Variants in SNTG1 observed in about 807,000 individuals in gnomAD.
SNTG1 encodes syntrophin gamma 1.
SNTG1 carries 39 observed loss-of-function variants against 74.7 expected under a neutral mutation model. The ratio of observed to expected loss-of-function variants is 0.52; its 90% CI spans 0.40 to 0.68. SNTG1 has a LOEUF of 0.68. Ranked by LOEUF, SNTG1 falls within the 30% of genes least tolerant of loss-of-function variation. SNTG1 has a pLI of 0.00. For missense variants in SNTG1, 685 were observed against 609.5 expected (o/e 1.12, Z -1.30); for synonymous variants, 254 against 217.1 (o/e 1.17, Z -1.49).
intron 1 of SNTG1, among the ~76,000 whole-genome samples, chr8:50,003,154 T>C (rs1340761171): frequency 6.6e-6 from 1 of 152,188 alleles, no homozygotes; most frequent in Non-Finnish European, 1.5e-5. Flanking sequence ...ATAAAAATGT[T>C]CTGGAATTAG....
intron 1 of SNTG1, among the ~76,000 whole-genome samples, chr8:49,989,525 C>A (rs1321439366): frequency 6.6e-6 from 1 of 151,810 alleles, no homozygotes; most frequent in Non-Finnish European, 1.5e-5. Flanking sequence ...ACCAAACATG[C>A]AATAAATAGT....
chr8:50,187,769 T>G (rs2083436028), intron 2 of SNTG1, among the ~76,000 whole-genome samples: 1 of 152,176 alleles, frequency 6.6e-6, no homozygotes, highest in South Asian at 2.1e-4. Flanking sequence ...GATGGTAATT[T>G]TGCAAAAGCA....
rs2093477705 is a variant in SNTG1, at chr8:50,453,803, T to G, written c.363+3074T>G. Among the ~76,000 whole-genome samples, 3 of 152,106 alleles carry G rather than the reference T, an allele frequency of 2.0e-5. No individual in the cohort carries two copies. In the South Asian group the frequency reaches 6.2e-4, roughly 32 times the overall value. On this transcript the variant is annotated intron_variant, in intron 8 of 18. Transcript: ENST00000642720. The stretch of plus-strand genomic sequence containing the variant: ...ACTGCTGTGTCAAGGTGGGACAGGG[T>G]CTGCTTAGGAGCCATGATGGGCCCT...
At chr8:50,684,336 T>C (rs1384357517) in intron 15 of SNTG1, among the ~76,000 whole-genome samples, 2 of 152,222 alleles carry the variant, frequency 1.3e-5, no homozygotes, top group Admixed American at 6.5e-5. Flanking sequence ...ATCTTAGAAC[T>C]ATTAATCCTG....
chr8:50,131,633 C>T (rs1157774720), intron 1 of SNTG1, among the ~76,000 whole-genome samples: 1 of 151,966 alleles, frequency 6.6e-6, no homozygotes, highest in Non-Finnish European at 1.5e-5. Context: ...TGAATAATGC[C>T]TCAATGAACA....
intron 2 of SNTG1, among the ~76,000 whole-genome samples, chr8:50,182,090 T>G (rs574910191): frequency 8.5e-5 from 13 of 152,316 alleles, no homozygotes; most frequent in African/African-American, 2.9e-4. Context: ...ATTAAGAATA[T>G]AATATTATTT....
chr8:49,994,325 G>T (rs1420548132), intron 1 of SNTG1, among the ~76,000 whole-genome samples: 1 of 146,654 alleles, frequency 6.8e-6, no homozygotes, highest in African/African-American at 2.5e-5. Context: ...GCCCAATCTC[G>T]GCTCACTGCA....
intron 13 of SNTG1, among the ~76,000 whole-genome samples, chr8:50,654,174 A>T (rs2095166348): frequency 6.6e-6 from 1 of 152,036 alleles, no homozygotes; most frequent in South Asian, 2.1e-4. Flanking sequence ...TCTTCTGTTC[A>T]TTCCCTTTCT....
At chr8:50,410,078 G>A (rs2092927699) in intron 4 of SNTG1, among the ~76,000 whole-genome samples, 1 of 152,182 alleles carries the variant, frequency 6.6e-6, no homozygotes, top group South Asian at 2.1e-4. Flanking sequence ...GACTTTAAGA[G>A]AACTAATATC....
At chr8:50,759,360 T>G (rs767792457) in intron 18 of SNTG1, among the ~76,000 whole-genome samples, 10 of 152,120 alleles carry the variant, frequency 6.6e-5, no homozygotes, top group Non-Finnish European at 1.0e-4. Flanking sequence ...TTGCTTTTTT[T>G]GTCTTAGTCA....
At chr8:50,454,942 T>C (rs2093491622) in intron 8 of SNTG1, among the ~76,000 whole-genome samples, 1 of 150,760 alleles carries the variant, frequency 6.6e-6, no homozygotes, top group African/African-American at 2.4e-5. Flanking sequence ...AATATATAAA[T>C]AACTGTATAT....
chr8:50,785,230 A>C (rs2131848516), intron 18 of SNTG1, among the ~76,000 whole-genome samples: 1 of 152,104 alleles, frequency 6.6e-6, no homozygotes, highest in South Asian at 2.1e-4. Flanking sequence ...TAAACAATTG[A>C]GAAAATTAGA....
At chr8:50,560,699 A>C (rs2094482645) in intron 12 of SNTG1, among the ~76,000 whole-genome samples, 1 of 152,058 alleles carries the variant, frequency 6.6e-6, no homozygotes, top group Non-Finnish European at 1.5e-5. Context: ...GGGGAACAAC[A>C]CACACTGTGG....
At chr8:50,408,239 A>C (rs1563345955) in intron 4 of SNTG1, among the ~76,000 whole-genome samples, 1 of 150,498 alleles carries the variant, frequency 6.6e-6, no homozygotes, top group East Asian at 2.0e-4. Context: ...TTGGGAAGCG[A>C]CTATTATCAT....
At chr8:49,952,729 A>G (rs1442665524) in intron 1 of SNTG1, among the ~76,000 whole-genome samples, 1 of 152,216 alleles carries the variant, frequency 6.6e-6, no homozygotes. Flanking sequence ...AGTAATGTAG[A>G]TGTACAGATA....
intron 4 of SNTG1, among the ~76,000 whole-genome samples, chr8:50,424,696 A>G (rs1345747331): frequency 6.6e-6 from 1 of 152,216 alleles, no homozygotes; most frequent in African/African-American, 2.4e-5. Context: ...AAATCACACT[A>G]TCTTATGATT....
At chr8:50,668,144 G>T (rs1004852868) in intron 15 of SNTG1, among the ~76,000 whole-genome samples, 1 of 151,624 alleles carries the variant, frequency 6.6e-6, no homozygotes, top group Non-Finnish European at 1.5e-5. Context: ...TATAATAATC[G>T]TCATTGATTA....
At chr8:50,106,411 G>A (rs1283247817) in intron 1 of SNTG1, among the ~76,000 whole-genome samples, 1 of 152,030 alleles carries the variant, frequency 6.6e-6, no homozygotes, top group Non-Finnish European at 1.5e-5. Context: ...ATGAGATTTG[G>A]GTGGGGACAC....
At position 50,026,700 on chromosome 8, in the gene SNTG1, C is replaced by CGT. The variant is rs145360652; in HGVS notation, c.-103+114486_-103+114487dup. The stretch of plus-strand genomic sequence containing the variant: ...GTTATATTTATGGCATTTGTGTGTA[C>CGT]GTGTGTGTGTGTGTGTGTATCCTAA... On this transcript the variant is annotated intron_variant, in intron 1 of 18. Coordinates refer to ENST00000642720, the MANE Select transcript of SNTG1 (RefSeq NM_018967.5). Among the ~76,000 whole-genome samples, 880 of 149,964 alleles carry CGT rather than the reference C, an allele frequency of 5.9e-3. 8 individuals carry two copies. The highest frequency in any genetic ancestry group is 0.016 in the African/African-American group (660 of 41,066).
Sources: gnomAD v4.1 joint callset for allele counts (sites outside exome capture counted in the v4.1 genomes callset) on GRCh38, gnomAD v4.1.1 for gene constraint, MANE v1.5 for transcripts, NCBI Gene and HGNC (gene_info 2026-07-23, HGNC 2026-07-21) for gene names.